HMOX2: variants seen among roughly 807,000 people sequenced by gnomAD.
HMOX2 encodes heme oxygenase 2.
A neutral mutation model predicts 33.7 loss-of-function variants in HMOX2; 30 were observed. That is an observed-to-expected ratio of 0.89 (90% CI 0.67 to 1.21). HMOX2 has a LOEUF of 1.21. HMOX2 is among the 50% of genes most tolerant of loss of function. The pLI, the probability that HMOX2 is intolerant of heterozygous loss-of-function variation, is 0.00. For missense variants in HMOX2, 403 were observed against 399.1 expected (o/e 1.01, Z -0.08); for synonymous variants, 155 against 155.0 (o/e 1.00, Z 0.00).
At chr16:4,483,752 C>T (rs563452212) in intron 1 of HMOX2, 9 of 152,118 alleles carry the variant, frequency 5.9e-5, no homozygotes, top group African/African-American at 1.9e-4. Flanking sequence ...GGTGGGACTA[C>T]AGGTGTGCGC....
chr16:4,484,921 C>T (rs1397834565), intron 1 of HMOX2, among the ~76,000 whole-genome samples: 4 of 151,858 alleles, frequency 2.6e-5, no homozygotes, highest in Admixed American at 6.6e-5. Context: ...AAAATCTGTA[C>T]ATGTGTAGTA....
intron 1 of HMOX2, among the ~76,000 whole-genome samples, chr16:4,489,415 G>C (rs1415859687): frequency 1.3e-5 from 2 of 152,102 alleles, no homozygotes; most frequent in Non-Finnish European, 2.9e-5. Flanking sequence ...CTCGCGAGTA[G>C]CTGGGACCAC....
At chr16:4,509,294 T>A in intron 4 of HMOX2, 118 bp from the exon 5 acceptor site, 1 of 1,318,274 alleles carries the variant, frequency 7.6e-7, no homozygotes, top group Non-Finnish European at 1.0e-6. Context: ...GAGTTAGCCA[T>A]GTTCATAACA....
chr16:4,509,924 C>T lies in HMOX2; in HGVS notation c.*168C>T. ...TAGAGCCTCTGCCTGACAGCATCCT[C>T]TCTATGGGCCATATTCCGCACTGGG... On this transcript the variant is annotated 3_prime_UTR_variant, in exon 6 of 6. Coordinates refer to ENST00000570646, the MANE Select transcript of HMOX2 (RefSeq NM_002134.4). 1.4e-6 allele frequency: 1 copy of T among 724,776 alleles called. No homozygotes were observed. Among genetic ancestry groups the T allele is most frequent in the Non-Finnish European group, 2.2e-6 (1 of 446,788 alleles). 44.9% of individuals were successfully genotyped at this position (724,776 alleles called of 1,614,324 possible).
At chr16:4,503,880 A>C (rs1209822615) in intron 1 of HMOX2, among the ~76,000 whole-genome samples, 2 of 152,222 alleles carry the variant, frequency 1.3e-5, no homozygotes, top group East Asian at 3.8e-4. Flanking sequence ...GAAAATGCTC[A>C]GTAAATAAGT....
chr16:4,490,931 T>C (rs1168649974), intron 1 of HMOX2, among the ~76,000 whole-genome samples: 1 of 152,148 alleles, frequency 6.6e-6, no homozygotes, highest in Admixed American at 6.5e-5. Flanking sequence ...TGTGTGTGTG[T>C]GCGTGCGTGC....
At chr16:4,504,185 G>GC (rs1459277057) in intron 1 of HMOX2, among the ~76,000 whole-genome samples, 5 of 152,094 alleles carry the variant, frequency 3.3e-5, no homozygotes. Flanking sequence ...GGGACAGTCT[G>GC]CTTTTTTGGT....
intron 1 of HMOX2, among the ~76,000 whole-genome samples, chr16:4,504,165 G>C (rs1051409440): frequency 9.2e-5 from 14 of 152,152 alleles, no homozygotes; most frequent in Admixed American, 3.3e-4. Context: ...GCAAAGTCCT[G>C]AGTAGGCTAG....
At chr16:4,485,366 A>G (rs2141533807) in intron 1 of HMOX2, among the ~76,000 whole-genome samples, 1 of 152,362 alleles carries the variant, frequency 6.6e-6, no homozygotes, top group South Asian at 2.1e-4. Context: ...TAAGGTATGC[A>G]GAGTATTGGC....
intron 1 of HMOX2, among the ~76,000 whole-genome samples, chr16:4,504,926 C>T (rs374002983): frequency 5.4e-5 from 8 of 148,666 alleles, no homozygotes; most frequent in Admixed American, 1.3e-4. Flanking sequence ...CAGTCTGCCT[C>T]GGCCTCCCAA....
chr16:4,505,735 G>C, intron 2 of HMOX2, 125 bp downstream of exon 2: 1 of 653,800 alleles, frequency 1.5e-6, no homozygotes, highest in Non-Finnish European at 2.6e-6. Flanking sequence ...GGACCCCTGG[G>C]TGCCTGCTTG....
intron 1 of HMOX2, among the ~76,000 whole-genome samples, chr16:4,499,177 C>T (rs895300110): frequency 3.9e-5 from 6 of 152,226 alleles, no homozygotes; most frequent in African/African-American, 1.2e-4. Flanking sequence ...TTCTCACCAG[C>T]GACTTCCTCA....
At chr16:4,504,495 G>A (rs1483020783) in intron 1 of HMOX2, among the ~76,000 whole-genome samples, 1 of 150,386 alleles carries the variant, frequency 6.6e-6, no homozygotes, top group Non-Finnish European at 1.5e-5. Flanking sequence ...TGAGTAGCTG[G>A]GATTACAGGC....
chr16:4,487,840 A>G (rs1452892502), intron 1 of HMOX2, among the ~76,000 whole-genome samples: 1 of 148,728 alleles, frequency 6.7e-6, no homozygotes, highest in Non-Finnish European at 1.5e-5. Flanking sequence ...AATCCCAGCT[A>G]CTCGGGAGGC....
chr16:4,487,802 T>TG (rs1408722597), intron 1 of HMOX2, among the ~76,000 whole-genome samples: 1 of 141,228 alleles, frequency 7.1e-6, no homozygotes, highest in Non-Finnish European at 1.5e-5. Context: ...AAAAAAAAAA[T>TG]TAGCCGGGCG....
intron 1 of HMOX2, chr16:4,479,444 G>A (rs2057957656): frequency 6.6e-6 from 1 of 152,182 alleles, no homozygotes; most frequent in South Asian, 2.1e-4. Flanking sequence ...GGAAGATAGA[G>A]CAGTAAGCGA....
intron 1 of HMOX2, among the ~76,000 whole-genome samples, chr16:4,484,124 G>A (rs1026546788): frequency 1.3e-4 from 20 of 150,788 alleles, no homozygotes; most frequent in Admixed American, 7.9e-4. Flanking sequence ...ACAGGCTCCC[G>A]CCACCATGCC....
chr16:4,505,964 G>C (rs11860985), intron 2 of HMOX2, among the ~76,000 whole-genome samples: 12,355 of 152,246 alleles, frequency 0.081, 806 homozygotes, highest in African/African-American at 0.18. Context: ...CCACATAAAA[G>C]ACTGCAGGGC....
At chr16:4,476,175 G>C (rs2057822814), upstream of HMOX2, 1 of 152,302 alleles carries the variant, frequency 6.6e-6, no homozygotes. Flanking sequence ...CAACCCTGAG[G>C]CACCCTCACA....
Sources: allele counts gnomAD v4.1 joint callset (sites outside exome capture counted in the v4.1 genomes callset), GRCh38; gene constraint gnomAD v4.1.1; transcripts MANE v1.5; gene names NCBI Gene and HGNC (gene_info 2026-07-23, HGNC 2026-07-21).